WDFY4: variants seen among roughly 807,000 people sequenced by gnomAD.
The protein encoded by WDFY4 is WD repeat- and FYVE domain-containing protein 4.
In WDFY4, 169 loss-of-function variants were observed where a neutral mutation model predicts 351.9. The ratio of observed to expected loss-of-function variants is 0.48; its 90% CI spans 0.42 to 0.55. The LOEUF is 0.55. WDFY4 is among the 20% of genes least tolerant of loss of function. The pLI is 0.00. For synonymous variants in WDFY4, 1,622 were observed against 1,574.6 expected (o/e 1.03, Z -0.71); for missense variants, 3,803 against 3,935.6 (o/e 0.97, Z 0.90).
intron 39 of WDFY4, among the ~76,000 whole-genome samples, chr10:48,835,737 T>C (rs1166035917): frequency 6.6e-6 from 1 of 152,230 alleles, no homozygotes; most frequent in Admixed American, 6.5e-5. Flanking sequence ...ACATACCCTC[T>C]CCCTGGCTTC....
At chr10:48,735,140 A>G (rs1205371317) in intron 10 of WDFY4, among the ~76,000 whole-genome samples, 1 of 151,992 alleles carries the variant, frequency 6.6e-6, no homozygotes, top group Non-Finnish European at 1.5e-5. Context: ...TGTCAGAGGT[A>G]CCTAGCCCAT....
rs141466331 is a variant in WDFY4 at position 48,876,911 on chromosome 10, C to T, written c.7001-122C>T. The stretch of plus-strand genomic sequence containing the variant: ...GTGGAGGGGCACAGTGAGAGATCCA[C>T]GCTCTTCACTTCGGCCCTGGAGCCT... On this transcript the variant is annotated intron_variant, in intron 42 of 61. Transcript: ENST00000325239. 5.2e-5 allele frequency: 51 copies of T among 982,530 alleles called. No homozygotes were observed. In the Admixed American group the frequency reaches 9.0e-4, roughly 17 times the overall value. The allele number at this position is 982,530 out of a possible 1,614,324, so 60.9% of individuals were successfully genotyped here.
At position 48,905,781 on chromosome 10, in the gene WDFY4, G is replaced by A. The variant is rs966831774; in HGVS notation, c.7586+3918G>A. ...AAGACTGTGCTAAATAAACAGCCCC[G>A]GGCTTCAGGATCAAGCTGATTTGGG... On this transcript the variant is annotated intron_variant, in intron 47 of 61. Transcript: ENST00000325239. 5.3e-5 allele frequency among the ~76,000 whole-genome samples: 8 copies of A among 152,352 alleles called. No individual in the cohort carries two copies. The East Asian group carries it at 7.7e-4, about 15-fold the overall frequency.
chr10:48,973,228 A>G (rs1306999513), intron 57 of WDFY4, among the ~76,000 whole-genome samples: 1 of 152,208 alleles, frequency 6.6e-6, no homozygotes, highest in Non-Finnish European at 1.5e-5. Flanking sequence ...TTTCCCCTGC[A>G]GTCAGAACTG....
intron 39 of WDFY4, among the ~76,000 whole-genome samples, chr10:48,864,112 C>A (rs1471544851): frequency 6.6e-6 from 1 of 152,208 alleles, no homozygotes; most frequent in Non-Finnish European, 1.5e-5. Context: ...TCACTTTTCA[C>A]TGTTGCTTTT....
chr10:48,877,074 G>A lies in WDFY4; in HGVS notation c.7042G>A (p.Val2348Met), dbSNP rs377287833. 1.7e-5 allele frequency: 26 copies of A among 1,529,374 alleles called. No homozygotes were observed. In the East Asian group the frequency reaches 2.5e-4, roughly 15 times the overall value. 94.7% of individuals were successfully genotyped at this position (1,529,374 alleles called of 1,614,324 possible). The stretch of plus-strand genomic sequence containing the variant: ...GGAGGCTGAGGGCGAGCCGGACGAG[G>A]TGGGGGTGGACTGCACCCAGCTGAC... ...LREAEGEPDEVGVDCTQLTFF... is the reference protein window; with the variant it reads ...LREAEGEPDEMGVDCTQLTFF... Residue 2348 changes from valine (V) to methionine (M), a missense_variant, in exon 43 of 62, where the codon GTG becomes ATG. Physicochemically the swap from Val to Met is conservative, Grantham distance 21. Coordinates refer to ENST00000325239, the MANE Select transcript of WDFY4 (RefSeq NM_001394531.1).
chr10:48,774,553 T>G lies in WDFY4; in HGVS notation c.2649T>G (p.Leu883=). The change falls in exon 14 of 62, where the codon CTT becomes CTG. Residue 883 remains leucine (L), a synonymous_variant. Coordinates refer to ENST00000325239, the MANE Select transcript of WDFY4 (RefSeq NM_001394531.1). The stretch of plus-strand genomic sequence containing the variant: ...AGGTCATGTGCGAAGCAGGCTTGCT[T>G]GGGACCCTCATGGCCTCCTGCCACA... ...NRQVMCEAGL[L]GTLMASCHRA... is the part of the protein sequence containing the mutation. The G allele has an allele frequency of 6.4e-7, 1 of 1,551,632 alleles. No homozygotes were observed. The highest frequency in any genetic ancestry group is 8.7e-7 in the Non-Finnish European group (1 of 1,146,940).
chr10:48,847,205 G>A lies in WDFY4; in HGVS notation c.6663+14496G>A, dbSNP rs1055590020. ...GATGCTGCCTTCCCCATGTCCTCACGTGGTCTGTCCTCTGTACATGACCGT... is the reference window on the plus strand; with the variant it reads ...GATGCTGCCTTCCCCATGTCCTCACATGGTCTGTCCTCTGTACATGACCGT... On this transcript the variant is annotated intron_variant, in intron 39 of 61. Coordinates refer to ENST00000325239, the MANE Select transcript of WDFY4 (RefSeq NM_001394531.1). Among the ~76,000 whole-genome samples the A allele has an allele frequency of 3.9e-5, 6 of 152,196 alleles. No individual in the cohort carries two copies. In the East Asian group the frequency reaches 5.8e-4, roughly 15 times the overall value.
chr10:48,843,873 C>A (rs999352639), intron 39 of WDFY4, among the ~76,000 whole-genome samples: 1 of 152,026 alleles, frequency 6.6e-6, no homozygotes, highest in African/African-American at 2.4e-5. Flanking sequence ...TTTGTGTATT[C>A]ATCTAAATTA....
chr10:48,881,401 T>TG (rs1477862746), intron 43 of WDFY4, among the ~76,000 whole-genome samples: 1 of 152,116 alleles, frequency 6.6e-6, no homozygotes, highest in African/African-American at 2.4e-5. Context: ...TCCATGGGTC[T>TG]GGTTGTCCTG....
intron 10 of WDFY4, among the ~76,000 whole-genome samples, chr10:48,734,567 A>G (rs2064585709): frequency 6.6e-6 from 1 of 151,140 alleles, no homozygotes; most frequent in Non-Finnish European, 1.5e-5. Flanking sequence ...CACCAACATC[A>G]TATCAGTGGG....
At chr10:48,728,643 T>C (rs906707862) in intron 7 of WDFY4, among the ~76,000 whole-genome samples, 2 of 152,236 alleles carry the variant, frequency 1.3e-5, no homozygotes, top group South Asian at 2.1e-4. Flanking sequence ...TAAATGGCAA[T>C]ACCCTAGTGC....
At chr10:48,768,762 C>T (rs922870700) in intron 13 of WDFY4, among the ~76,000 whole-genome samples, 3 of 112,596 alleles carry the variant, frequency 2.7e-5, no homozygotes, top group African/African-American at 9.5e-5. Context: ...AGAGAACCAG[C>T]CATAGTGTGA....
intron 12 of WDFY4, among the ~76,000 whole-genome samples, chr10:48,758,382 G>C (rs2065398263): frequency 6.6e-6 from 1 of 152,104 alleles, no homozygotes; most frequent in African/African-American, 2.4e-5. Context: ...ATTGTGCTGT[G>C]TCTGGGCATA....
intron 7 of WDFY4, among the ~76,000 whole-genome samples, chr10:48,728,729 G>C (rs2064354166): frequency 6.6e-6 from 1 of 152,282 alleles, no homozygotes; most frequent in South Asian, 2.1e-4. Context: ...GCTGTGACCA[G>C]CTGACTATGA....
rs2067143588 is a variant in WDFY4, at chr10:48,803,254, C to T, written c.4411-32C>T. 3 of 1,549,594 alleles carry T rather than the reference C, an allele frequency of 1.9e-6. No individual in the cohort carries two copies. In the East Asian group the frequency reaches 7.3e-5, roughly 38 times the overall value. ...GCAAATCATTCTTCTCCCACACCTT[C>T]ATTTTAGCATGTGTTTTGTTTTGTC... is the stretch of plus-strand genomic sequence containing the variant. On this transcript the variant is annotated intron_variant, in intron 24 of 61. Coordinates refer to ENST00000325239, the MANE Select transcript of WDFY4 (RefSeq NM_001394531.1).
intron 1 of WDFY4, among the ~76,000 whole-genome samples, chr10:48,694,767 C>T (rs539357535): frequency 6.6e-5 from 10 of 152,168 alleles, no homozygotes; most frequent in African/African-American, 1.4e-4. Context: ...CACTCACTCA[C>T]GCTGCCCGGG....
Position 48,727,167 on chromosome 10 carries a change from C to T in WDFY4, c.782-303C>T, listed in dbSNP as rs143205284. On this transcript the variant is annotated intron_variant, in intron 6 of 61. Transcript: ENST00000325239. ...CTTAAGGTCTGAGATGAGCTCAGGTCTTGCATTTTACATCTCACTACCTAA... is the reference window on the plus strand; with the variant it reads ...CTTAAGGTCTGAGATGAGCTCAGGTTTTGCATTTTACATCTCACTACCTAA... Among the ~76,000 whole-genome samples, 726 of 152,334 alleles carry T rather than the reference C, an allele frequency of 4.8e-3. 6 individuals carry two copies. Among genetic ancestry groups the T allele is most frequent in the South Asian group, 0.02 (95 of 4,824 alleles).
intron 39 of WDFY4, among the ~76,000 whole-genome samples, chr10:48,833,649 T>A (rs1362880469): frequency 6.6e-6 from 1 of 152,228 alleles, no homozygotes; most frequent in African/African-American, 2.4e-5. Flanking sequence ...TGGAAATGCA[T>A]GATCTGTGAT....
Sources: allele counts gnomAD v4.1 joint callset (sites outside exome capture counted in the v4.1 genomes callset), GRCh38; gene constraint gnomAD v4.1.1; transcripts MANE v1.5; gene names NCBI Gene and HGNC (gene_info 2026-07-23, HGNC 2026-07-21).